The following C3orf22 variants were observed in gnomAD, a reference collection of about 807,000 sequenced individuals.
C3orf22 encodes chromosome 3 open reading frame 22.
A neutral mutation model predicts 10.8 loss-of-function variants in C3orf22; 7 were observed. The ratio of observed to expected loss-of-function variants is 0.65; its 90% CI spans 0.37 to 1.22. The LOEUF (loss-of-function observed/expected upper bound fraction) is 1.22, where lower values mean the gene tolerates loss of function less well. Ranked by LOEUF, C3orf22 falls within the 50% of genes most tolerant of loss-of-function variation. The pLI, the probability that C3orf22 is intolerant of heterozygous loss-of-function variation, is 0.02. For synonymous variants in C3orf22, 79 were observed against 78.9 expected, an observed-to-expected ratio of 1.00 and a Z score of 0.00; for missense variants, 173 against 177.0, an observed-to-expected ratio of 0.98 and a Z score of 0.13.
rs1418069948 is a variant in C3orf22 at position 126,554,259 on chromosome 3, GTTGT to G, written c.-40-833_-40-830del. On this transcript the variant is annotated intron_variant, in intron 1 of 3. Coordinates refer to ENST00000318225, the MANE Select transcript of C3orf22 (RefSeq NM_152533.3). ...CATTTTTTGTTTGTTTTGTTTTTCT[GTTGT>G]TTTTTTTTTTTTTTTTTTGAGACGA... is the stretch of plus-strand genomic sequence containing the variant. 3.7e-4 allele frequency among the ~76,000 whole-genome samples: 48 copies of G among 129,238 alleles called. 1 individual carries two copies. The highest frequency in any genetic ancestry group is 1.1e-3 in the East Asian group (5 of 4,406). 84.8% of individuals were successfully genotyped at this position (129,238 alleles called of 152,430 possible).
At position 126,553,865 on chromosome 3, in the gene C3orf22, G is replaced by A. The variant is rs188805078; in HGVS notation, c.-40-435C>T. ...TCTGTCCCTCCTGCTGCTGAGCACT[G>A]TTCTAGGGTGCGGTTGTGCAGCTTC... On this transcript the variant is annotated intron_variant, in intron 1 of 3. Transcript: ENST00000318225. 1.4e-3 allele frequency among the ~76,000 whole-genome samples: 212 copies of A among 152,324 alleles called. 4 individuals carry two copies. The highest frequency in any genetic ancestry group is 0.013 in the Admixed American group (194 of 15,306).
intron 4 of C3orf22, among the ~76,000 whole-genome samples, chr3:126,543,646 G>A (rs926420526): frequency 2.7e-5 from 4 of 149,330 alleles, no homozygotes; most frequent in African/African-American, 1.0e-4. Context: ...GTGTGACTGT[G>A]AGAGTGTGCA....
At chr3:126,542,045 C>T in intron 4 of C3orf22, 1 of 1,575,542 alleles carries the variant, frequency 6.3e-7, no homozygotes. Flanking sequence ...CCGGCGCCTG[C>T]GCGCCTACTT....
chr3:126,541,380 C>T (rs1388404561), intron 4 of C3orf22, among the ~76,000 whole-genome samples: 3 of 152,230 alleles, frequency 2.0e-5, no homozygotes, highest in Non-Finnish European at 4.4e-5. Context: ...TATGCAGCCT[C>T]CTGCTTTTAG....
At chr3:126,554,334 G>T (rs962195632) in intron 1 of C3orf22, among the ~76,000 whole-genome samples, 6 of 147,618 alleles carry the variant, frequency 4.1e-5, no homozygotes, top group Admixed American at 1.4e-4. Context: ...CATGATCTTG[G>T]CTCACTGCAA....
chr3:126,541,763 C>T, intron 4 of C3orf22: 5 of 1,510,940 alleles, frequency 3.3e-6, no homozygotes, highest in Non-Finnish European at 4.4e-6. Flanking sequence ...GAAGGTGCAC[C>T]GGCAGCGGCG....
At chr3:126,529,374 T>A in intron 4 of C3orf22, 2 of 1,289,250 alleles carry the variant, frequency 1.6e-6, no homozygotes, top group Middle Eastern at 2.1e-4. Context: ...CCCACTTGCC[T>A]ACGGATGCCG....
At chr3:126,530,084 T>C (rs1936621640) in intron 4 of C3orf22, among the ~76,000 whole-genome samples, 1 of 152,240 alleles carries the variant, frequency 6.6e-6, no homozygotes, top group Non-Finnish European at 1.5e-5. Context: ...AAGTCAGGAT[T>C]GGACCCAAGG....
chr3:126,555,667 C>A (rs1474349401), intron 1 of C3orf22, among the ~76,000 whole-genome samples: 2 of 152,148 alleles, frequency 1.3e-5, no homozygotes, highest in Non-Finnish European at 2.9e-5. Flanking sequence ...CCACTCCCTG[C>A]CACAGTGTCC....
At chr3:126,552,300 G>T (rs779760918) in intron 2 of C3orf22, among the ~76,000 whole-genome samples, 178 bp from the exon 3 acceptor site, 1 of 152,252 alleles carries the variant, frequency 6.6e-6, no homozygotes, top group Non-Finnish European at 1.5e-5. Context: ...TTACAGACAA[G>T]GAAACTGAGG....
chr3:126,538,586 G>A (rs1936852701), intron 4 of C3orf22, among the ~76,000 whole-genome samples: 1 of 152,236 alleles, frequency 6.6e-6, no homozygotes, highest in South Asian at 2.1e-4. Flanking sequence ...AGACTGACAG[G>A]TGGCCGGATG....
In C3orf22 at chr3:126,558,694, C is replaced by G. The variant is rs574811125; in HGVS notation, c.-108G>C. The G allele has an allele frequency of 6.6e-6, 1 of 152,410 alleles. No homozygotes were observed. The highest frequency in any genetic ancestry group is 1.5e-5 in the Non-Finnish European group (1 of 68,174). 9.4% of individuals were successfully genotyped at this position (152,410 alleles called of 1,614,324 possible). A position where few individuals can be genotyped will look rare whatever the true frequency, so the allele number is the denominator to read the frequency against. On this transcript the variant is annotated 5_prime_UTR_variant, in exon 1 of 4. Coordinates refer to ENST00000318225, the MANE Select transcript of C3orf22 (RefSeq NM_152533.3). ...TGATCAGAGAGTCCTGGAACTGCTC[C>G]TATCCAGCAAGATGCTGGTGTGAGA...
chr3:126,555,492 C>G (rs1173391400), intron 1 of C3orf22, among the ~76,000 whole-genome samples: 1 of 152,178 alleles, frequency 6.6e-6, no homozygotes, highest in Non-Finnish European at 1.5e-5. Flanking sequence ...GCATTATCAC[C>G]TGAGCTCCAC....
chr3:126,550,584 G>A (rs1425633718), intron 3 of C3orf22, among the ~76,000 whole-genome samples: 3 of 152,178 alleles, frequency 2.0e-5, no homozygotes, highest in Admixed American at 6.5e-5. Flanking sequence ...ACAGGATGGC[G>A]TGGGAAAGCT....
At chr3:126,548,275 C>T (rs1431839123), downstream of C3orf22, among the ~76,000 whole-genome samples, 4 of 152,150 alleles carry the variant, frequency 2.6e-5, no homozygotes, top group African/African-American at 7.2e-5. Context: ...GGATTACAGT[C>T]GTAAGCCACC....
Position 126,538,258 on chromosome 3 carries a change from C to T in C3orf22, c.287-8886G>A, listed in dbSNP as rs779008072. Among the ~76,000 whole-genome samples the T allele has an allele frequency of 5.7e-4, 87 of 152,232 alleles. 1 individual carries two copies. Among genetic ancestry groups the T allele is most frequent in the Non-Finnish European group, 7.8e-4 (53 of 68,038 alleles). ...CAGCCAGCTGCCCACCATCGTCCTC[C>T]GGATGTTGACTTCTGTCATAGAGCT... is the stretch of plus-strand genomic sequence containing the variant. On this transcript the variant is annotated intron_variant and NMD_transcript_variant, in intron 4 of 5. Transcript: ENST00000505070.
chr3:126,541,971 C>T (rs779610571), intron 4 of C3orf22: 2 of 1,578,306 alleles, frequency 1.3e-6, no homozygotes, highest in South Asian at 2.3e-5. Context: ...GCCATCTCCG[C>T]GCAAGAGGCG....
chr3:126,536,182 T>G, intron 4 of C3orf22: 2 of 1,060,958 alleles, frequency 1.9e-6, no homozygotes, highest in South Asian at 1.5e-5. Context: ...CAGAGGTGGG[T>G]CAAATGTGCC....
At chr3:126,541,797 G>C (rs963741993) in intron 4 of C3orf22, 1 of 1,546,096 alleles carries the variant, frequency 6.5e-7, no homozygotes, top group African/African-American at 1.4e-5. Flanking sequence ...AGCGCCTGTA[G>C]CCGCCACTCA....
Sources: allele counts gnomAD v4.1 joint callset (sites outside exome capture counted in the v4.1 genomes callset), GRCh38; gene constraint gnomAD v4.1.1; transcripts MANE v1.5; gene names NCBI Gene and HGNC (gene_info 2026-07-23, HGNC 2026-07-21).